Variants in SNTG1 observed in about 807,000 individuals in gnomAD.
SNTG1 encodes syntrophin gamma 1.
SNTG1 carries 39 observed loss-of-function variants against 74.7 expected under a neutral mutation model. The observed-to-expected ratio is 0.52, with a 90% confidence interval of 0.40 to 0.68. SNTG1 has a LOEUF of 0.68. Ranked by LOEUF, SNTG1 falls within the 30% of genes least tolerant of loss-of-function variation. The probability of loss-of-function intolerance (pLI) is 0.00; values close to 1 mark genes in which losing one functional copy is unlikely to be tolerated. For missense variants in SNTG1, 685 were observed against 609.5 expected (o/e 1.12, Z -1.30); for synonymous variants, 254 against 217.1 (o/e 1.17, Z -1.49).
chr8:50,012,341 A>G (rs1277394329), intron 1 of SNTG1, among the ~76,000 whole-genome samples: 1 of 152,108 alleles, frequency 6.6e-6, no homozygotes, highest in Non-Finnish European at 1.5e-5. Flanking sequence ...CTGGATGGAA[A>G]TGTGGTCCTG....
At chr8:50,655,337 G>A (rs2095173338) in intron 13 of SNTG1, among the ~76,000 whole-genome samples, 1 of 152,004 alleles carries the variant, frequency 6.6e-6, no homozygotes, top group Admixed American at 6.5e-5. Context: ...TCAAAACTGT[G>A]TTGTTATCTG....
chr8:50,703,041 C>T (rs2095431475), intron 15 of SNTG1, among the ~76,000 whole-genome samples: 1 of 152,054 alleles, frequency 6.6e-6, no homozygotes, highest in East Asian at 1.9e-4. Context: ...AATGTGAAGG[C>T]CTAGGATGTT....
At chr8:50,109,449 T>C (rs1424252569) in intron 1 of SNTG1, among the ~76,000 whole-genome samples, 1 of 152,042 alleles carries the variant, frequency 6.6e-6, no homozygotes, top group Non-Finnish European at 1.5e-5. Context: ...GTATAAAACA[T>C]GGAGGAATCA....
Position 50,632,839 on chromosome 8 carries a change from A to G in SNTG1, c.850-24070A>G, listed in dbSNP as rs2095011442. ...GTTTAGGCTATCAGTGTCTATTTGC[A>G]GGCCCAAGATGTCAGCTGTGCCATA... On this transcript the variant is annotated intron_variant, in intron 13 of 18. Coordinates refer to ENST00000642720, the MANE Select transcript of SNTG1 (RefSeq NM_018967.5). 7.2e-5 allele frequency among the ~76,000 whole-genome samples: 11 copies of G among 152,298 alleles called. No homozygotes were observed. In the South Asian group the frequency reaches 2.3e-3, roughly 32 times the overall value.
intron 2 of SNTG1, among the ~76,000 whole-genome samples, chr8:50,351,180 T>G (rs2091648994): frequency 6.6e-6 from 1 of 152,226 alleles, no homozygotes; most frequent in South Asian, 2.1e-4. Flanking sequence ...GTTGCTCTTC[T>G]GATTTTGTCA....
chr8:50,705,807 T>C (rs763961696), intron 16 of SNTG1, among the ~76,000 whole-genome samples: 2 of 152,184 alleles, frequency 1.3e-5, no homozygotes, highest in Non-Finnish European at 2.9e-5. Context: ...CACAAGACCA[T>C]TGAACAAAAC....
chr8:49,995,782 C>T (rs1814152687), intron 1 of SNTG1, among the ~76,000 whole-genome samples: 1 of 152,200 alleles, frequency 6.6e-6, no homozygotes, highest in Admixed American at 6.5e-5. Context: ...TATGCTCAGG[C>T]AGGGCTCATT....
At chr8:50,029,813 A>T (rs1817592929) in intron 1 of SNTG1, among the ~76,000 whole-genome samples, 1 of 152,094 alleles carries the variant, frequency 6.6e-6, no homozygotes, top group African/African-American at 2.4e-5. Flanking sequence ...TAAACACAGG[A>T]GCGTAGATAT....
At chr8:50,399,066 A>G (rs950145019) in intron 3 of SNTG1, among the ~76,000 whole-genome samples, 2 of 152,250 alleles carry the variant, frequency 1.3e-5, no homozygotes, top group African/African-American at 4.8e-5. Flanking sequence ...GGGATTTTAA[A>G]TGTATTTCCA....
intron 1 of SNTG1, among the ~76,000 whole-genome samples, chr8:49,965,521 GAAGC>G (rs1283414046): frequency 6.6e-6 from 1 of 152,128 alleles, no homozygotes; most frequent in Non-Finnish European, 1.5e-5. Context: ...CTTATGAGTG[GAAGC>G]TCAAGAGAAT....
chr8:49,922,007 TTC>T (rs1257506651), intron 1 of SNTG1, among the ~76,000 whole-genome samples: 10 of 152,118 alleles, frequency 6.6e-5, no homozygotes, highest in Admixed American at 5.9e-4. Flanking sequence ...GTGATTTGCC[TTC>T]TCTGCTTTTC....
intron 2 of SNTG1, among the ~76,000 whole-genome samples, chr8:50,389,786 C>T (rs2092628681): frequency 6.6e-6 from 1 of 152,128 alleles, no homozygotes; most frequent in Non-Finnish European, 1.5e-5. Flanking sequence ...CTAACTGGTT[C>T]AAGATGATAT....
chr8:50,007,404 A>G (rs1432708613), intron 1 of SNTG1, among the ~76,000 whole-genome samples: 2 of 152,000 alleles, frequency 1.3e-5, no homozygotes, highest in East Asian at 3.9e-4. Flanking sequence ...GGAGGGAGAG[A>G]TAGTTTTCAC....
At chr8:50,446,165 T>C (rs2093405186) in intron 5 of SNTG1, among the ~76,000 whole-genome samples, 1 of 152,162 alleles carries the variant, frequency 6.6e-6, no homozygotes. Context: ...GATTATTGAC[T>C]GGAAAACCTT....
At chr8:50,295,649 A>C (rs2089328558) in intron 2 of SNTG1, among the ~76,000 whole-genome samples, 1 of 152,170 alleles carries the variant, frequency 6.6e-6, no homozygotes, top group South Asian at 2.1e-4. Context: ...TTTGCATGTA[A>C]ACAAACAACC....
At chr8:50,344,706 C>T (rs1434837249) in intron 2 of SNTG1, among the ~76,000 whole-genome samples, 1 of 152,120 alleles carries the variant, frequency 6.6e-6, no homozygotes, top group East Asian at 1.9e-4. Flanking sequence ...GCAGGTGTGG[C>T]CAAGGCTTCT....
chr8:50,052,984 C>T (rs369741169), intron 1 of SNTG1, among the ~76,000 whole-genome samples: 6 of 152,044 alleles, frequency 3.9e-5, no homozygotes, highest in Non-Finnish European at 7.4e-5. Context: ...GGCACAGCTG[C>T]CTTACAAAAC....
intron 2 of SNTG1, among the ~76,000 whole-genome samples, chr8:50,320,237 G>A (rs184552489): frequency 8.5e-5 from 13 of 152,182 alleles, no homozygotes; most frequent in African/African-American, 2.6e-4. Flanking sequence ...TTTCAATCAC[G>A]ATAGGTTGTA....
intron 1 of SNTG1, among the ~76,000 whole-genome samples, chr8:49,968,124 T>C (rs1811319859): frequency 6.6e-6 from 1 of 152,152 alleles, no homozygotes; most frequent in Admixed American, 6.5e-5. Flanking sequence ...CATATGTCAA[T>C]ATATACCATT....
Sources: gnomAD v4.1 joint callset for allele counts (sites outside exome capture counted in the v4.1 genomes callset) on GRCh38, gnomAD v4.1.1 for gene constraint, MANE v1.5 for transcripts, NCBI Gene and HGNC (gene_info 2026-07-23, HGNC 2026-07-21) for gene names.